Variants in STXBP6 observed in about 807,000 individuals in gnomAD.
STXBP6 encodes the protein syntaxin-binding protein 6.
Under a neutral mutation model 26.9 loss-of-function variants are expected in STXBP6, and 21 were observed. The ratio of observed to expected loss-of-function variants is 0.78; its 90% CI spans 0.55 to 1.12. The LOEUF is 1.12. STXBP6 is among the 50% of genes most tolerant of loss of function. The pLI is 0.00. For synonymous variants in STXBP6, 97 were observed against 92.6 expected (o/e 1.05, Z -0.27); for missense variants, 232 against 257.9 (o/e 0.90, Z 0.69).
chr14:24,898,717 T>A (rs2071092702), intron 2 of STXBP6, among the ~76,000 whole-genome samples: 2 of 152,008 alleles, frequency 1.3e-5, no homozygotes, highest in African/African-American at 4.8e-5. Context: ...TGGCAAGGGA[T>A]TTAGGTTTGA....
chr14:24,896,360 T>G (rs910243286), intron 2 of STXBP6, among the ~76,000 whole-genome samples: 12 of 152,072 alleles, frequency 7.9e-5, no homozygotes, highest in Non-Finnish European at 1.8e-4. Context: ...AGTCCTGGGG[T>G]GTAGCTCCTT....
At chr14:25,022,586 T>G (rs184050098) in intron 1 of STXBP6, among the ~76,000 whole-genome samples, 3 of 152,148 alleles carry the variant, frequency 2.0e-5, no homozygotes, top group Admixed American at 2.0e-4. Context: ...AAAAAGAAAA[T>G]CGATACTGGG....
intron 1 of STXBP6, among the ~76,000 whole-genome samples, chr14:24,985,096 G>A (rs1362007298): frequency 6.6e-6 from 1 of 152,208 alleles, no homozygotes; most frequent in Non-Finnish European, 1.5e-5. Context: ...GCTGTAGTTT[G>A]AAGTCATTCT....
intron 1 of STXBP6, among the ~76,000 whole-genome samples, chr14:24,999,471 T>TA (rs1175839109): frequency 1.3e-5 from 2 of 151,996 alleles, no homozygotes; most frequent in Non-Finnish European, 2.9e-5. Context: ...ATCTAGGATA[T>TA]AAAAAAAGAT....
intron 2 of STXBP6, among the ~76,000 whole-genome samples, chr14:24,936,818 T>C (rs1228937053): frequency 6.6e-6 from 1 of 152,274 alleles, no homozygotes; most frequent in African/African-American, 2.4e-5. Context: ...GAAATCATTC[T>C]ATGATAAAGA....
At chr14:24,973,862 A>C (rs1007316778) in intron 2 of STXBP6, among the ~76,000 whole-genome samples, 1 of 152,244 alleles carries the variant, frequency 6.6e-6, no homozygotes, top group East Asian at 1.9e-4. Flanking sequence ...CCAAAAACAT[A>C]AAGTTTTATT....
chr14:24,836,084 C>T (rs1566394735), intron 4 of STXBP6, among the ~76,000 whole-genome samples: 1 of 152,216 alleles, frequency 6.6e-6, no homozygotes, highest in Non-Finnish European at 1.5e-5. Flanking sequence ...AGTGGCAACA[C>T]TAGTTAATGA....
At chr14:24,901,349 C>T (rs2071205742) in intron 2 of STXBP6, among the ~76,000 whole-genome samples, 1 of 151,754 alleles carries the variant, frequency 6.6e-6, no homozygotes, top group Admixed American at 6.6e-5. Flanking sequence ...GCATGGCTCC[C>T]CCCCAAAAAA....
At chr14:24,942,831 T>C (rs1044068320) in intron 2 of STXBP6, among the ~76,000 whole-genome samples, 1 of 152,186 alleles carries the variant, frequency 6.6e-6, no homozygotes, top group Non-Finnish European at 1.5e-5. Flanking sequence ...CTCAAACTGA[T>C]AGCTATGTAG....
At chr14:25,030,350 C>A (rs2075429857) in intron 1 of STXBP6, among the ~76,000 whole-genome samples, 1 of 152,186 alleles carries the variant, frequency 6.6e-6, no homozygotes, top group Non-Finnish European at 1.5e-5. Flanking sequence ...CCAAGGTGCT[C>A]ATCAACTCAC....
intron 4 of STXBP6, 186 bp from the exon 5 acceptor site, chr14:24,819,380 C>A: frequency 1.5e-6 from 1 of 666,230 alleles, no homozygotes; most frequent in Non-Finnish European, 2.7e-6. Context: ...GCAGCAAGAA[C>A]ACCCACTGAC....
intron 1 of STXBP6, among the ~76,000 whole-genome samples, chr14:24,994,205 G>C (rs919013678): frequency 1.3e-5 from 2 of 152,186 alleles, no homozygotes; most frequent in Non-Finnish European, 2.9e-5. Context: ...GGGATTGTGG[G>C]ATTGATTTCT....
rs115574698 is a variant in STXBP6 at position 25,007,702 on chromosome 14, T to G, written c.-32-32852A>C. Among the ~76,000 whole-genome samples, 1,030 of 152,338 alleles carry G rather than the reference T, an allele frequency of 6.8e-3. 11 individuals carry two copies. The highest frequency in any genetic ancestry group is 0.023 in the African/African-American group (966 of 41,586). On this transcript the variant is annotated intron_variant, in intron 1 of 5. Coordinates refer to ENST00000323944, the MANE Select transcript of STXBP6 (RefSeq NM_001394410.1). The stretch of plus-strand genomic sequence containing the variant: ...AGTAAACATTAGTGGAAGGAATGGA[T>G]GAAATCAATACAATTATTTGAATTA...
chr14:24,938,861 A>G (rs2072697792), intron 2 of STXBP6, among the ~76,000 whole-genome samples: 1 of 152,166 alleles, frequency 6.6e-6, no homozygotes, highest in Non-Finnish European at 1.5e-5. Flanking sequence ...GGCACTTAAC[A>G]TGTATTCAAC....
chr14:24,989,794 G>A (rs1595264234), intron 1 of STXBP6, among the ~76,000 whole-genome samples: 1 of 152,214 alleles, frequency 6.6e-6, no homozygotes, highest in African/African-American at 2.4e-5. Flanking sequence ...TTGAGCCAGT[G>A]ACCCAGGTAT....
At chr14:24,891,288 T>C (rs2070777189) in intron 2 of STXBP6, among the ~76,000 whole-genome samples, 1 of 152,148 alleles carries the variant, frequency 6.6e-6, no homozygotes, top group Admixed American at 6.5e-5. Flanking sequence ...AAATAAAGAA[T>C]AGGGCAGTAT....
chr14:24,837,956 A>C (rs1340347374), intron 4 of STXBP6, among the ~76,000 whole-genome samples: 6 of 152,186 alleles, frequency 3.9e-5, no homozygotes, highest in Non-Finnish European at 7.3e-5. Flanking sequence ...TGCCAAAAAG[A>C]ATCTTTCCTT....
intron 2 of STXBP6, among the ~76,000 whole-genome samples, chr14:24,897,429 G>GA (rs71121805): frequency 0.33 from 41,814 of 125,766 alleles, 6,665 homozygotes; most frequent in African/African-American, 0.41. Context: ...AAAAAAAAAG[G>GA]AAAAAAAAAA....
intron 1 of STXBP6, among the ~76,000 whole-genome samples, chr14:25,011,481 A>AT (rs1429739002): frequency 1.3e-5 from 2 of 152,254 alleles, no homozygotes; most frequent in African/African-American, 2.4e-5. Flanking sequence ...TACCTGGGAA[A>AT]TAAGAGCTAA....
Sources: gnomAD v4.1 joint callset for allele counts (sites outside exome capture counted in the v4.1 genomes callset) on GRCh38, gnomAD v4.1.1 for gene constraint, MANE v1.5 for transcripts, NCBI Gene and HGNC (gene_info 2026-07-23, HGNC 2026-07-21) for gene names.